Variants in PRUNE2 observed in about 807,000 individuals in gnomAD.
PRUNE2 encodes protein prune homolog 2.
A neutral mutation model predicts 252.0 loss-of-function variants in PRUNE2; 164 were observed. The ratio of observed to expected loss-of-function variants is 0.65; its 90% CI spans 0.57 to 0.74. The LOEUF (loss-of-function observed/expected upper bound fraction) is 0.74, where lower values mean the gene tolerates loss of function less well. PRUNE2 is among the 30% of genes least tolerant of loss of function. The pLI is 0.00. For synonymous variants in PRUNE2, 1,292 were observed against 1,350.2 expected, an observed-to-expected ratio of 0.96 and a Z score of 0.94; for missense variants, 3,495 against 3,711.0, an observed-to-expected ratio of 0.94 and a Z score of 1.51.
Position 76,896,721 on chromosome 9 carries a change from C to T in PRUNE2, c.36+9207G>A, listed in dbSNP as rs567619638. On this transcript the variant is annotated intron_variant, in intron 1 of 18. Transcript: ENST00000376718. Reference sequence around the variant, plus strand: ...AGAGCCAAAGTGGACTTGACACAACCGAGAGCTGTGTTCTAACCCTGGATC... The same window carrying T: ...AGAGCCAAAGTGGACTTGACACAACTGAGAGCTGTGTTCTAACCCTGGATC... 3.3e-5 allele frequency among the ~76,000 whole-genome samples: 5 copies of T among 152,228 alleles called. No homozygotes were observed. The South Asian group carries it at 6.2e-4, about 19-fold the overall frequency.
At position 76,804,909 on chromosome 9, in the gene PRUNE2, A is replaced by G. The variant is rs112434195; in HGVS notation, c.756+18723T>C. Among the ~76,000 whole-genome samples the G allele has an allele frequency of 3.5e-3, 530 of 152,264 alleles. 4 individuals carry two copies. Among genetic ancestry groups the G allele is most frequent in the African/African-American group, 0.012 (508 of 41,528 alleles). ...AGGATGCCACCCTGTTCCTTGCAGT[A>G]TTCCTCACACTGTCTTCATTTAATA... On this transcript the variant is annotated intron_variant, in intron 6 of 18. Transcript: ENST00000376718.
intron 9 of PRUNE2, among the ~76,000 whole-genome samples, chr9:76,676,559 G>A (rs1474497177): frequency 6.6e-6 from 1 of 152,000 alleles, no homozygotes; most frequent in Non-Finnish European, 1.5e-5. Flanking sequence ...GTAGGTACAG[G>A]GGCGAAAGGA....
chr9:76,616,882 G>A (rs1261880098), intron 18 of PRUNE2, among the ~76,000 whole-genome samples: 1 of 152,010 alleles, frequency 6.6e-6, no homozygotes, highest in African/African-American at 2.4e-5. Flanking sequence ...AAGGCATGTT[G>A]CAAGTTTTGG....
At chr9:76,792,947 A>G (rs1007302241) in intron 6 of PRUNE2, among the ~76,000 whole-genome samples, 3 of 152,180 alleles carry the variant, frequency 2.0e-5, no homozygotes, top group Non-Finnish European at 4.4e-5. Flanking sequence ...CATTTTCTCT[A>G]ATGTCCTTGG....
At chr9:76,627,304 G>T (rs990755657) in intron 16 of PRUNE2, among the ~76,000 whole-genome samples, 5 of 118,978 alleles carry the variant, frequency 4.2e-5, no homozygotes, top group Non-Finnish European at 5.4e-5. Context: ...GGTGGCGGGG[G>T]GCTCACCATG....
intron 6 of PRUNE2, among the ~76,000 whole-genome samples, chr9:76,802,158 T>A (rs79564872): frequency 2.0e-5 from 3 of 152,188 alleles, no homozygotes; most frequent in Non-Finnish European, 4.4e-5. Context: ...ATATACATAC[T>A]GCAAATGTAA....
intron 6 of PRUNE2, among the ~76,000 whole-genome samples, chr9:76,807,928 T>A (rs2057087995): frequency 1.3e-5 from 2 of 152,144 alleles, no homozygotes; most frequent in Non-Finnish European, 2.9e-5. Context: ...CTGTAATCCC[T>A]TCACTTTGGG....
chr9:76,766,490 C>G (rs1020828569), intron 6 of PRUNE2, among the ~76,000 whole-genome samples: 3 of 152,158 alleles, frequency 2.0e-5, no homozygotes, highest in Non-Finnish European at 4.4e-5. Flanking sequence ...GCATCTGAAC[C>G]AACATTAACA....
intron 4 of PRUNE2, among the ~76,000 whole-genome samples, chr9:76,838,806 T>C (rs908698800): frequency 1.3e-5 from 2 of 151,960 alleles, no homozygotes; most frequent in African/African-American, 4.8e-5. Context: ...TGAGCAGTGG[T>C]GGGAAGGAGC....
chr9:76,711,343 C>T lies in PRUNE2; in HGVS notation c.931G>A (p.Glu311Lys). The T allele has an allele frequency of 6.2e-7, 1 of 1,610,918 alleles. No homozygotes were observed. The highest frequency in any genetic ancestry group is 2.2e-5 in the East Asian group (1 of 44,820). Residue 311 changes from glutamate to lysine, a missense_variant, in exon 8 of 19, where the codon GAA (glutamate) becomes AAA (lysine). By Grantham distance (56) the Glu-to-Lys change is moderately conservative (BLOSUM62 1). Transcript: ENST00000376718. The stretch of plus-strand genomic sequence containing the variant: ...TCTAGGCAAGGGTTCTGACACTCTT[C>T]CAGCTCACAGCAAATCTGTCGGAAG... ...ELCSQICCEL[E>K]ECQNPCLELE...
In PRUNE2 at chr9:76,703,669, G is replaced by C. The variant is rs17180718; in HGVS notation, c.7944C>G (p.Ala2648=). Residue 2648 remains alanine, a synonymous_variant, in exon 9 of 19, where the codon GCC becomes GCG. Coordinates refer to ENST00000376718, the MANE Select transcript of PRUNE2 (RefSeq NM_015225.3). ...HSEVGDPSLD[A]RDSGPGWSGK... ...CAGACCACCCAGGCCCTGAGTCCCT[G>C]GCATCCAGTGATGGATCACCAACCT... 25,151 of 1,612,748 alleles carry C rather than the reference G, an allele frequency of 0.016. 418 individuals are homozygous for C. The highest frequency in any genetic ancestry group is 0.087 in the East Asian group (3,889 of 44,878).
intron 1 of PRUNE2, among the ~76,000 whole-genome samples, chr9:76,868,509 A>T (rs375264874): frequency 7.9e-5 from 12 of 152,158 alleles, no homozygotes; most frequent in African/African-American, 2.9e-4. Flanking sequence ...AAGTTAGTTA[A>T]CAGCCATTAG....
intron 6 of PRUNE2, among the ~76,000 whole-genome samples, chr9:76,796,591 C>G (rs999154624): frequency 5.3e-5 from 8 of 152,190 alleles, no homozygotes; most frequent in Non-Finnish European, 1.2e-4. Context: ...TGAAAGAATG[C>G]CTCCTTACAG....
intron 17 of PRUNE2, among the ~76,000 whole-genome samples, chr9:76,619,721 TACAC>T (rs1319223662): frequency 2.6e-5 from 4 of 152,208 alleles, no homozygotes; most frequent in Non-Finnish European, 4.4e-5. Flanking sequence ...AATAATAAAA[TACAC>T]ACAGAGGAAA....
chr9:76,832,296 GT>G (rs2058713335), intron 4 of PRUNE2, among the ~76,000 whole-genome samples: 1 of 152,050 alleles, frequency 6.6e-6, no homozygotes, highest in Non-Finnish European at 1.5e-5. Flanking sequence ...GTTACCAACA[GT>G]GGTGGACTAT....
At chr9:76,715,168 G>C (rs544776871) in intron 6 of PRUNE2, among the ~76,000 whole-genome samples, 1 of 152,216 alleles carries the variant, frequency 6.6e-6, no homozygotes, top group Admixed American at 6.5e-5. Context: ...GAACGATGCC[G>C]TGCAGAGAGT....
At chr9:76,866,347 G>T (rs1284106732) in intron 1 of PRUNE2, among the ~76,000 whole-genome samples, 1 of 152,206 alleles carries the variant, frequency 6.6e-6, no homozygotes, top group Non-Finnish European at 1.5e-5. Context: ...AGAGGTACAA[G>T]GGTTTTGCCC....
At chr9:76,779,339 G>A (rs931513004) in intron 6 of PRUNE2, among the ~76,000 whole-genome samples, 2 of 151,248 alleles carry the variant, frequency 1.3e-5, no homozygotes, top group African/African-American at 4.9e-5. Flanking sequence ...AAGGCTCTTT[G>A]TGGGGAAGGA....
At chr9:76,657,251 C>T (rs2133431843) in intron 9 of PRUNE2, among the ~76,000 whole-genome samples, 1 of 152,332 alleles carries the variant, frequency 6.6e-6, no homozygotes, top group East Asian at 1.9e-4. Flanking sequence ...AGTTCTACCA[C>T]TTACTATGTT....
Sources: allele counts gnomAD v4.1 joint callset (sites outside exome capture counted in the v4.1 genomes callset), GRCh38; gene constraint gnomAD v4.1.1; transcripts MANE v1.5; gene names NCBI Gene and HGNC (gene_info 2026-07-23, HGNC 2026-07-21).